The following RERE variants were observed in gnomAD, a reference collection of about 807,000 sequenced individuals.
The protein encoded by RERE is arginine-glutamic acid dipeptide repeats protein.
RERE carries 40 observed loss-of-function variants against 146.1 expected under a neutral mutation model. That is an observed-to-expected ratio of 0.27 (90% CI 0.21 to 0.36). The LOEUF is 0.36. Among genes scored for constraint, RERE ranks in the 10% least tolerant of loss-of-function variants. The probability of loss-of-function intolerance (pLI) is 1.00; values close to 1 mark genes in which losing one functional copy is unlikely to be tolerated. For synonymous variants in RERE, 1,003 were observed against 866.0 expected, an observed-to-expected ratio of 1.16 and a Z score of -2.78; for missense variants, 1,933 against 2,138.7, an observed-to-expected ratio of 0.90 and a Z score of 1.90.
At chr1:8,747,648 G>T (rs1444980420) in intron 1 of RERE, among the ~76,000 whole-genome samples, 1 of 151,882 alleles carries the variant, frequency 6.6e-6, no homozygotes, top group Non-Finnish European at 1.5e-5. Flanking sequence ...TGCAAACGGT[G>T]AACTGGAATT....
At chr1:8,556,598 T>G (rs765534617) in intron 5 of RERE, 27 bp from the exon 6 acceptor site, 1 of 1,397,042 alleles carries the variant, frequency 7.2e-7, no homozygotes. Flanking sequence ...TAAGACGACA[T>G]TAAAACTGAG....
At chr1:8,471,728 G>C (rs537801311) in intron 10 of RERE, among the ~76,000 whole-genome samples, 97 of 151,954 alleles carry the variant, frequency 6.4e-4, no homozygotes, top group African/African-American at 2.2e-3. Context: ...TGCCTAGTGC[G>C]GTCTCAGACT....
intron 1 of RERE, among the ~76,000 whole-genome samples, chr1:8,771,444 A>C (rs1640947506): frequency 6.6e-6 from 1 of 151,824 alleles, no homozygotes; most frequent in African/African-American, 2.4e-5. Flanking sequence ...GAATCGCTTG[A>C]ACCCAGGAGG....
chr1:8,628,984 AG>A (rs1237628171), intron 2 of RERE, among the ~76,000 whole-genome samples: 1 of 152,180 alleles, frequency 6.6e-6, no homozygotes, highest in Non-Finnish European at 1.5e-5. Flanking sequence ...AACTGCACAA[AG>A]CTGATGTGAT....
chr1:8,487,163 T>A (rs1159205664), intron 10 of RERE, among the ~76,000 whole-genome samples: 2 of 152,056 alleles, frequency 1.3e-5, no homozygotes, highest in African/African-American at 4.8e-5. Context: ...AAATAAAGAA[T>A]AACAATCATA....
intron 7 of RERE, among the ~76,000 whole-genome samples, chr1:8,528,497 G>A (rs978411289): frequency 1.3e-5 from 2 of 152,126 alleles, no homozygotes; most frequent in Non-Finnish European, 2.9e-5. Context: ...ACACACTAAA[G>A]TATTCAGGGG....
chr1:8,361,996 G>A lies in RERE; in HGVS notation c.1903-120C>T, dbSNP rs189418485. ...CTCATTCTGAGTTCCATCTCCAGGA[G>A]CAAAAAGCTCTAGAAGGGTCAACTG... On this transcript the variant is annotated intron_variant, in intron 16 of 22. Transcript: ENST00000400908. The A allele has an allele frequency of 3.4e-4, 239 of 698,328 alleles. No homozygotes were observed. In the East Asian group the frequency reaches 3.5e-3, roughly 10 times the overall value. The allele number at this position is 698,328 out of a possible 1,614,324, so 43.3% of individuals were successfully genotyped here. A position where few individuals can be genotyped will look rare whatever the true frequency, so the allele number is the denominator to read the frequency against.
chr1:8,676,141 A>T (rs1638835932), intron 1 of RERE, among the ~76,000 whole-genome samples: 1 of 152,222 alleles, frequency 6.6e-6, no homozygotes, highest in Non-Finnish European at 1.5e-5. Flanking sequence ...AGTGTAATTC[A>T]TCTCCACATT....
intron 12 of RERE, among the ~76,000 whole-genome samples, chr1:8,391,944 T>G (rs1034210435): frequency 1.3e-5 from 2 of 152,096 alleles, no homozygotes; most frequent in African/African-American, 4.8e-5. Context: ...TGAGAATCGT[T>G]TGAACTTGGG....
chr1:8,690,007 G>A (rs1048934114), intron 1 of RERE, among the ~76,000 whole-genome samples: 5 of 152,104 alleles, frequency 3.3e-5, no homozygotes, highest in African/African-American at 9.7e-5. Flanking sequence ...TCCTCATTTC[G>A]TTCTCAAAAA....
intron 10 of RERE, among the ~76,000 whole-genome samples, chr1:8,473,788 A>G (rs1009532748): frequency 1.3e-5 from 2 of 152,228 alleles, no homozygotes; most frequent in African/African-American, 4.8e-5. Flanking sequence ...AGAAAAATGG[A>G]AAGTGCTAAA....
intron 1 of RERE, among the ~76,000 whole-genome samples, chr1:8,684,839 C>T (rs967984165): frequency 1.8e-5 from 1 of 54,302 alleles, no homozygotes; most frequent in Non-Finnish European, 3.6e-5. Context: ...TTTACTCATT[C>T]ATCCATTCAT....
chr1:8,540,454 A>G lies in RERE; in HGVS notation c.830+760T>C, dbSNP rs138877459. Among the ~76,000 whole-genome samples, 446 of 152,284 alleles carry G rather than the reference A, an allele frequency of 2.9e-3. 2 individuals carry two copies. Among genetic ancestry groups the G allele is most frequent in the African/African-American group, 0.01 (424 of 41,554 alleles). On this transcript the variant is annotated intron_variant, in intron 7 of 22. Coordinates refer to ENST00000400908, the MANE Select transcript of RERE (RefSeq NM_001042681.2). ...CTTCTAAATCTTCACATGTATAAAC[A>G]TGTCTTGGGTGTCCAGAGCATATAT...
chr1:8,446,194 G>A (rs772644343), intron 11 of RERE, among the ~76,000 whole-genome samples: 1 of 152,162 alleles, frequency 6.6e-6, no homozygotes, highest in Non-Finnish European at 1.5e-5. Flanking sequence ...TGGCCCCCAC[G>A]GTCTTCTGGC....
rs1411103033 is a variant in RERE at position 8,419,082 on chromosome 1, C to T, written c.1284+3645G>A. On this transcript the variant is annotated intron_variant, in intron 12 of 22. Transcript: ENST00000400908. The stretch of plus-strand genomic sequence containing the variant: ...CGTATTCCTGACTACATTTCACCTA[C>T]TAATTATATACTTTATAAGCATATT... 1.3e-5 allele frequency among the ~76,000 whole-genome samples: 2 copies of T among 152,096 alleles called. 1 individual carries two copies. Among genetic ancestry groups the T allele is most frequent in the African/African-American group, 4.8e-5 (2 of 41,396 alleles).
chr1:8,604,598 A>G (rs59447116), intron 4 of RERE, among the ~76,000 whole-genome samples: 2,426 of 80,220 alleles, frequency 0.03, 62 homozygotes, highest in African/African-American at 0.054. Context: ...GGAAGGAAGG[A>G]AGGGAGGGAG....
intron 12 of RERE, among the ~76,000 whole-genome samples, chr1:8,413,155 A>T (rs1272826745): frequency 6.6e-6 from 1 of 152,300 alleles, no homozygotes; most frequent in East Asian, 1.9e-4. Flanking sequence ...GCAAATAAAA[A>T]GTAAGGGCTG....
chr1:8,537,922 GA>G (rs1645748006), intron 7 of RERE, among the ~76,000 whole-genome samples: 1 of 152,136 alleles, frequency 6.6e-6, no homozygotes, highest in African/African-American at 2.4e-5. Flanking sequence ...AAATAAATGT[GA>G]AAAAAATTCC....
intron 12 of RERE, among the ~76,000 whole-genome samples, chr1:8,370,350 T>C (rs1198342614): frequency 6.6e-6 from 1 of 151,968 alleles, no homozygotes; most frequent in African/African-American, 2.4e-5. Context: ...GACAAGAAAC[T>C]AAAAGAACTC....
Sources: gnomAD v4.1 joint callset for allele counts (sites outside exome capture counted in the v4.1 genomes callset) on GRCh38, gnomAD v4.1.1 for gene constraint, MANE v1.5 for transcripts, NCBI Gene and HGNC (gene_info 2026-07-23, HGNC 2026-07-21) for gene names.